The following EPHA7 variants were observed in gnomAD, a reference collection of about 807,000 sequenced individuals.
The protein encoded by EPHA7 is EPH receptor A7.
EPHA7 carries 25 observed loss-of-function variants against 112.6 expected under a neutral mutation model. That is an observed-to-expected ratio of 0.22 (90% CI 0.16 to 0.31). EPHA7 has a LOEUF of 0.31. Ranked by LOEUF, EPHA7 falls within the 10% of genes least tolerant of loss-of-function variation. The pLI is 1.00. For missense variants in EPHA7, 962 were observed against 1,212.6 expected, an observed-to-expected ratio of 0.79 and a Z score of 3.07; for synonymous variants, 437 against 406.5, an observed-to-expected ratio of 1.07 and a Z score of -0.90.
intron 9 of EPHA7, among the ~76,000 whole-genome samples, chr6:93,259,978 T>A (rs934246790): frequency 1.3e-5 from 2 of 151,960 alleles, no homozygotes; most frequent in African/African-American, 2.4e-5. Flanking sequence ...ATTTATTTTT[T>A]TAAAGACCAA....
intron 3 of EPHA7, among the ~76,000 whole-genome samples, chr6:93,368,894 A>C (rs963203284): frequency 6.6e-6 from 1 of 152,036 alleles, no homozygotes; most frequent in African/African-American, 2.4e-5. Flanking sequence ...AATAACCCTA[A>C]AGCAGGTTAA....
chr6:93,329,642 G>C (rs552015611), intron 5 of EPHA7, among the ~76,000 whole-genome samples: 2 of 151,130 alleles, frequency 1.3e-5, no homozygotes, highest in Non-Finnish European at 3.0e-5. Flanking sequence ...ATCCATTATA[G>C]AGTATGACTG....
In EPHA7 at chr6:93,419,239, C is replaced by G; in HGVS notation, c.97+6G>C. On this transcript the variant is annotated splice_donor_region_variant and intron_variant, in intron 1 of 16. Coordinates refer to ENST00000369303, the MANE Select transcript of EPHA7 (RefSeq NM_004440.4). ...CAGAACAAACTTTGCTTTCCCATCA[C>G]CTTACCTTCCTTCGCAGCCTGCGCC... 6.2e-7 allele frequency: 1 copy of G among 1,612,234 alleles called. No individual in the cohort carries two copies. The highest frequency in any genetic ancestry group is 1.1e-5 in the South Asian group (1 of 90,988).
At chr6:93,314,695 T>C (rs993587889) in intron 5 of EPHA7, among the ~76,000 whole-genome samples, 4 of 152,122 alleles carry the variant, frequency 2.6e-5, no homozygotes, top group Admixed American at 2.6e-4. Flanking sequence ...TGAACTTAGA[T>C]TTAACTGATA....
chr6:93,340,557 T>G (rs1223310951), intron 5 of EPHA7, among the ~76,000 whole-genome samples: 2 of 151,254 alleles, frequency 1.3e-5, no homozygotes, highest in Non-Finnish European at 3.0e-5. Flanking sequence ...AATACAAATA[T>G]TACAAAACTC....
intron 3 of EPHA7, among the ~76,000 whole-genome samples, chr6:93,372,709 A>G (rs989019823): frequency 3.3e-5 from 5 of 152,064 alleles, no homozygotes; most frequent in African/African-American, 9.7e-5. Context: ...GGTTGTCCAA[A>G]CTTTTAAATA....
intron 5 of EPHA7, among the ~76,000 whole-genome samples, chr6:93,280,572 A>G (rs1205239646): frequency 2.6e-5 from 4 of 152,120 alleles, no homozygotes; most frequent in African/African-American, 2.4e-5. Context: ...ATGCTCCTTA[A>G]AGGTAGAAAA....
At chr6:93,308,016 G>A (rs1319245941) in intron 5 of EPHA7, among the ~76,000 whole-genome samples, 2 of 152,170 alleles carry the variant, frequency 1.3e-5, no homozygotes, top group Non-Finnish European at 1.5e-5. Context: ...ATCCTGAGTT[G>A]CTGTGCTCTT....
At chr6:93,393,026 G>C (rs183393067) in intron 3 of EPHA7, among the ~76,000 whole-genome samples, 37 of 151,792 alleles carry the variant, frequency 2.4e-4, no homozygotes, top group Non-Finnish European at 5.9e-5. Context: ...ACTAGTTTAA[G>C]AAAAAAATCT....
chr6:93,255,713 A>G (rs1770412721), intron 13 of EPHA7, 115 bp downstream of exon 13: 1 of 903,824 alleles, frequency 1.1e-6, no homozygotes, highest in East Asian at 2.6e-5. Flanking sequence ...CAACCTCAAA[A>G]TGCTTAGCTC....
At chr6:93,305,199 G>T (rs959561264) in intron 5 of EPHA7, among the ~76,000 whole-genome samples, 2 of 151,654 alleles carry the variant, frequency 1.3e-5, no homozygotes, top group Non-Finnish European at 2.9e-5. Context: ...AGTGTTCATG[G>T]AAGGAAAGCA....
chr6:93,399,548 T>G (rs906844208), intron 3 of EPHA7, among the ~76,000 whole-genome samples: 2 of 152,270 alleles, frequency 1.3e-5, no homozygotes, highest in Admixed American at 1.3e-4. Flanking sequence ...AAATCTTAAC[T>G]ATTCAGTACT....
At chr6:93,254,324 T>C (rs1770342696) in intron 14 of EPHA7, among the ~76,000 whole-genome samples, 1 of 152,140 alleles carries the variant, frequency 6.6e-6, no homozygotes, top group African/African-American at 2.4e-5. Flanking sequence ...CAAATGATTC[T>C]TTTACTCATG....
chr6:93,362,324 C>T (rs944109908), intron 3 of EPHA7, among the ~76,000 whole-genome samples: 1 of 151,952 alleles, frequency 6.6e-6, no homozygotes, highest in Non-Finnish European at 1.5e-5. Flanking sequence ...CACATTAAGT[C>T]ATAAGATCTG....
At chr6:93,245,568 A>T in intron 15 of EPHA7, 115 bp from the exon 16 acceptor site, 1 of 1,040,002 alleles carries the variant, frequency 9.6e-7, no homozygotes, top group Non-Finnish European at 1.3e-6. Context: ...TAATTGGTGT[A>T]CATAATAAAA....
At chr6:93,390,242 A>G (rs2127980154) in intron 3 of EPHA7, among the ~76,000 whole-genome samples, 1 of 147,552 alleles carries the variant, frequency 6.8e-6, no homozygotes, top group South Asian at 2.1e-4. Flanking sequence ...TCAGTACAGT[A>G]AAAAAAAAAG....
rs73532389 is a variant in EPHA7 at position 93,402,063 on chromosome 6, G to A, written c.832+8438C>T. Among the ~76,000 whole-genome samples, 1,254 of 152,020 alleles carry A rather than the reference G, an allele frequency of 8.2e-3. 9 individuals are homozygous for A. Among genetic ancestry groups the A allele is most frequent in the African/African-American group, 0.028 (1,167 of 41,518 alleles). ...AAACTTCCACTAGAAATTTATAAAA[G>A]ACTGACCATATACTTCCCAATGCTA... On this transcript the variant is annotated intron_variant, in intron 3 of 16. Transcript: ENST00000369303.
At chr6:93,339,737 C>T (rs1775050708) in intron 5 of EPHA7, among the ~76,000 whole-genome samples, 1 of 151,640 alleles carries the variant, frequency 6.6e-6, no homozygotes, top group Admixed American at 6.6e-5. Flanking sequence ...TATTTATTGA[C>T]TATGTAAACA....
chr6:93,251,750 TC>T (rs1375390294), intron 14 of EPHA7, among the ~76,000 whole-genome samples: 1 of 152,020 alleles, frequency 6.6e-6, no homozygotes, highest in Non-Finnish European at 1.5e-5. Flanking sequence ...ATTTTCAATT[TC>T]CACAATATTT....
Sources: gnomAD v4.1 joint callset for allele counts (sites outside exome capture counted in the v4.1 genomes callset) on GRCh38, gnomAD v4.1.1 for gene constraint, MANE v1.5 for transcripts, NCBI Gene and HGNC (gene_info 2026-07-23, HGNC 2026-07-21) for gene names.